Variants in WDR72 observed in about 807,000 individuals in gnomAD.
WDR72 encodes the protein WD repeat domain 72.
A neutral mutation model predicts 124.2 loss-of-function variants in WDR72; 120 were observed. The ratio of observed to expected loss-of-function variants is 0.97; its 90% confidence interval spans 0.83 to 1.12. The LOEUF (loss-of-function observed/expected upper bound fraction) is 1.12. WDR72 is among the 50% of genes most tolerant of loss of function. WDR72 has a pLI of 0.00. For missense variants in WDR72, 1,387 were observed against 1,278.8 expected (o/e 1.08, Z -1.29); for synonymous variants, 452 against 441.7 (o/e 1.02, Z -0.29).
At chr15:53,534,178 T>C (rs1017144344) in intron 18 of WDR72, among the ~76,000 whole-genome samples, 1 of 152,148 alleles carries the variant, frequency 6.6e-6, no homozygotes, top group African/African-American at 2.4e-5. Context: ...ATAGATTATA[T>C]GTTTGCTCCA....
intron 1 of WDR72, among the ~76,000 whole-genome samples, chr15:53,753,919 A>G (rs1004966034): frequency 6.6e-6 from 1 of 152,104 alleles, no homozygotes; most frequent in Non-Finnish European, 1.5e-5. Context: ...CTACATCCCT[A>G]GGGATTACAT....
intron 18 of WDR72, among the ~76,000 whole-genome samples, chr15:53,570,384 G>C (rs1894474090): frequency 6.6e-6 from 1 of 150,682 alleles, no homozygotes; most frequent in African/African-American, 2.4e-5. Context: ...GAACTAAACA[G>C]ATCAAGGAAA....
At chr15:53,558,131 A>G (rs1893997044) in intron 18 of WDR72, among the ~76,000 whole-genome samples, 1 of 152,050 alleles carries the variant, frequency 6.6e-6, no homozygotes, top group African/African-American at 2.4e-5. Context: ...CACTTCTACT[A>G]TAAATGTGTC....
intron 14 of WDR72, among the ~76,000 whole-genome samples, chr15:53,621,450 T>TATATATATAC (rs1359760367): frequency 1.4e-5 from 2 of 143,674 alleles, no homozygotes; most frequent in Non-Finnish European, 3.0e-5. Context: ...TATATATATA[T>TATATATATAC]ATATATATGA....
At chr15:53,628,284 G>A (rs1858035379) in intron 14 of WDR72, among the ~76,000 whole-genome samples, 1 of 152,034 alleles carries the variant, frequency 6.6e-6, no homozygotes, top group Admixed American at 6.5e-5. Flanking sequence ...TAGAAGTGTA[G>A]TTAATGCAAA....
chr15:53,563,306 T>A, intron 18 of WDR72, among the ~76,000 whole-genome samples: 1 of 151,948 alleles, frequency 6.6e-6, no homozygotes, highest in Middle Eastern at 3.4e-3. Flanking sequence ...TAATATAAAA[T>A]TATTTTAAGT....
At chr15:53,577,153 T>C (rs762019407) in intron 18 of WDR72, among the ~76,000 whole-genome samples, 1 of 152,182 alleles carries the variant, frequency 6.6e-6, no homozygotes, top group African/African-American at 2.4e-5. Flanking sequence ...ACTTGGTCAG[T>C]ACCTGCCTCA....
intron 1 of WDR72, among the ~76,000 whole-genome samples, chr15:53,757,080 A>G (rs1422484586): frequency 6.6e-6 from 1 of 152,178 alleles, no homozygotes; most frequent in African/African-American, 2.4e-5. Context: ...AACGTGACAC[A>G]TGTAAATAAA....
At chr15:53,625,072 A>G (rs1449386692) in intron 14 of WDR72, among the ~76,000 whole-genome samples, 1 of 152,260 alleles carries the variant, frequency 6.6e-6, no homozygotes, top group African/African-American at 2.4e-5. Context: ...AAGCAAAAAT[A>G]CAAATATAAT....
chr15:53,761,313 A>C (rs12915223), upstream of WDR72, among the ~76,000 whole-genome samples: 77,964 of 151,916 alleles, frequency 0.51, 21,231 homozygotes, highest in Middle Eastern at 0.66. Context: ...AAAGACAGGC[A>C]ATAACAAATG....
chr15:53,753,318 G>A (rs2018819134), intron 1 of WDR72, among the ~76,000 whole-genome samples: 1 of 152,236 alleles, frequency 6.6e-6, no homozygotes, highest in Non-Finnish European at 1.5e-5. Flanking sequence ...CCTATTTGGA[G>A]AAGCCTCCCT....
chr15:53,680,163 T>C (rs117831191), intron 13 of WDR72, among the ~76,000 whole-genome samples: 2,116 of 152,302 alleles, frequency 0.014, 30 homozygotes, highest in East Asian at 0.066. Context: ...TGAGATAAGA[T>C]AGGTTAATAG....
At chr15:53,707,927 A>T (rs1365389433) in intron 9 of WDR72, among the ~76,000 whole-genome samples, 2 of 152,192 alleles carry the variant, frequency 1.3e-5, no homozygotes, top group African/African-American at 4.8e-5. Flanking sequence ...GGAAGCTCCA[A>T]GAGGCTGCTG....
At chr15:53,538,047 G>A (rs1247390725) in intron 18 of WDR72, among the ~76,000 whole-genome samples, 1 of 152,048 alleles carries the variant, frequency 6.6e-6, no homozygotes. Context: ...TGACAATGCT[G>A]ACCAGATAAC....
intron 13 of WDR72, among the ~76,000 whole-genome samples, chr15:53,683,513 C>G (rs982998391): frequency 6.6e-6 from 1 of 152,056 alleles, no homozygotes; most frequent in Non-Finnish European, 1.5e-5. Context: ...AGTATCTTCT[C>G]TACATAAAAT....
chr15:53,642,281 T>C (rs955162172), intron 14 of WDR72, among the ~76,000 whole-genome samples: 4 of 151,952 alleles, frequency 2.6e-5, no homozygotes, highest in African/African-American at 9.7e-5. Context: ...AAAACTAAAA[T>C]AGTATGTATC....
intron 18 of WDR72, among the ~76,000 whole-genome samples, chr15:53,543,904 A>T (rs1268061586): frequency 6.6e-6 from 1 of 152,210 alleles, no homozygotes; most frequent in Non-Finnish European, 1.5e-5. Context: ...TAAACTAGAA[A>T]ATCTAGAAGA....
chr15:53,564,104 C>T (rs1238922545), intron 18 of WDR72, among the ~76,000 whole-genome samples: 2 of 151,758 alleles, frequency 1.3e-5, no homozygotes, highest in African/African-American at 4.8e-5. Flanking sequence ...AGGTGTTTTT[C>T]TTGTAACCAA....
chr15:53,690,142 A>C (rs1485745183), intron 13 of WDR72, among the ~76,000 whole-genome samples: 2 of 151,676 alleles, frequency 1.3e-5, no homozygotes, highest in African/African-American at 4.8e-5. Flanking sequence ...GGTGCAGCGC[A>C]CCAGCATGGC....
Sources: gnomAD v4.1 joint callset for allele counts (sites outside exome capture counted in the v4.1 genomes callset) on GRCh38, gnomAD v4.1.1 for gene constraint, MANE v1.5 for transcripts, NCBI Gene and HGNC (gene_info 2026-07-23, HGNC 2026-07-21) for gene names.